Variants in CCSER1 observed in about 807,000 individuals in gnomAD.
The protein encoded by CCSER1 is coiled-coil serine rich protein 1.
A neutral mutation model predicts 82.0 loss-of-function variants in CCSER1; 41 were observed. The observed-to-expected ratio is 0.50, with a 90% CI of 0.39 to 0.65. The LOEUF (loss-of-function observed/expected upper bound fraction) is 0.65, where lower values mean the gene tolerates loss of function less well. CCSER1 is among the 30% of genes least tolerant of loss of function. CCSER1 has a pLI of 0.00. For missense variants in CCSER1, 1,119 were observed against 1,064.2 expected, an observed-to-expected ratio of 1.05 and a Z score of -0.72; for synonymous variants, 414 against 383.9, an observed-to-expected ratio of 1.08 and a Z score of -0.92.
In CCSER1 at chr4:91,296,467, GTATA is replaced by G. The variant is rs1179567431; in HGVS notation, c.2217+210489_2217+210492del. On this transcript the variant is annotated intron_variant, in intron 10 of 10. Transcript: ENST00000509176. ...TCTAACATTATATATATATATATAT[GTATA>G]TATATATATATATATTTTAATTAAA... Among the ~76,000 whole-genome samples, 42 of 62,380 alleles carry G rather than the reference GTATA, an allele frequency of 6.7e-4. 1 individual carries two copies. The highest frequency in any genetic ancestry group is 1.8e-3 in the Admixed American group (10 of 5,510). 40.9% of individuals were successfully genotyped at this position (62,380 alleles called of 152,430 possible).
In CCSER1 at chr4:90,308,382, C is replaced by T; in HGVS notation, c.98C>T (p.Pro33Leu). ...AGACATGATTCTCTTCCTTCTTCAC[C>T]TTCTTCCAGTAATACAGTTGGTGTC... The part of the protein sequence containing the change: ...NRRHDSLPSS[P>L]SSSNTVGVHS... The change falls in exon 2 of 11, where the codon CCT (proline) becomes CTT (leucine). Residue 33 changes from proline to leucine, a missense_variant. Coordinates refer to ENST00000509176, the MANE Select transcript of CCSER1 (RefSeq NM_001145065.2). 6.2e-7 allele frequency: 1 copy of T among 1,613,690 alleles called. No homozygotes were observed. The highest frequency in any genetic ancestry group is 8.5e-7 in the Non-Finnish European group (1 of 1,179,826).
intron 10 of CCSER1, among the ~76,000 whole-genome samples, chr4:91,255,978 G>A (rs1740648009): frequency 6.6e-6 from 1 of 152,138 alleles, no homozygotes. Context: ...GATGTTCAGG[G>A]AACAAGGGAG....
At chr4:90,167,564 G>T (rs1040442135) in intron 1 of CCSER1, among the ~76,000 whole-genome samples, 1 of 152,018 alleles carries the variant, frequency 6.6e-6, no homozygotes, top group African/African-American at 2.4e-5. Context: ...ATGTTGGTGC[G>T]CCGCACCCAG....
intron 10 of CCSER1, among the ~76,000 whole-genome samples, chr4:91,316,383 A>G (rs1241986233): frequency 6.6e-6 from 1 of 152,004 alleles, no homozygotes; most frequent in Non-Finnish European, 1.5e-5. Flanking sequence ...GAATTAATTC[A>G]TTTACAAAGA....
intron 10 of CCSER1, among the ~76,000 whole-genome samples, chr4:91,165,864 A>G (rs937099210): frequency 6.6e-6 from 1 of 152,184 alleles, no homozygotes; most frequent in African/African-American, 2.4e-5. Context: ...GGAAAGGGAA[A>G]TCCCCCAACC....
chr4:91,253,226 A>T (rs534720867), intron 10 of CCSER1, among the ~76,000 whole-genome samples: 1 of 152,148 alleles, frequency 6.6e-6, no homozygotes, highest in African/African-American at 2.4e-5. Flanking sequence ...CCACTCAAAG[A>T]GTGGTAAATG....
intron 5 of CCSER1, among the ~76,000 whole-genome samples, chr4:90,472,337 A>G (rs1764510787): frequency 6.6e-6 from 1 of 152,178 alleles, no homozygotes; most frequent in Non-Finnish European, 1.5e-5. Context: ...TGTATTATCT[A>G]ACCAATGTTT....
intron 1 of CCSER1, among the ~76,000 whole-genome samples, chr4:90,239,398 A>C (rs1366707105): frequency 1.3e-5 from 2 of 152,200 alleles, no homozygotes; most frequent in Admixed American, 6.5e-5. Flanking sequence ...AATTGCCACT[A>C]TGTATTTGAA....
At chr4:91,309,336 G>A (rs1343893252) in intron 10 of CCSER1, among the ~76,000 whole-genome samples, 1 of 121,442 alleles carries the variant, frequency 8.2e-6, no homozygotes, top group Non-Finnish European at 1.7e-5. Context: ...GGCCACTGAT[G>A]ATTCTGTAAA....
At chr4:91,514,433 T>C (rs959257760) in intron 10 of CCSER1, among the ~76,000 whole-genome samples, 2 of 152,168 alleles carry the variant, frequency 1.3e-5, no homozygotes, top group African/African-American at 4.8e-5. Flanking sequence ...TATTCTGTGA[T>C]TGATATGAGA....
At chr4:91,479,095 ATAC>A (rs1255824241) in intron 10 of CCSER1, among the ~76,000 whole-genome samples, 2 of 151,856 alleles carry the variant, frequency 1.3e-5, no homozygotes, top group Non-Finnish European at 2.9e-5. Context: ...AATGAAAATA[ATAC>A]TACAACTTAA....
intron 10 of CCSER1, among the ~76,000 whole-genome samples, chr4:91,308,021 T>C (rs536131930): frequency 1.3e-5 from 2 of 152,066 alleles, no homozygotes; most frequent in Admixed American, 1.3e-4. Flanking sequence ...ACTCTACTTG[T>C]AGATATTAGT....
chr4:90,600,033 G>A (rs11943803), intron 5 of CCSER1, among the ~76,000 whole-genome samples: 8,089 of 152,180 alleles, frequency 0.053, 716 homozygotes, highest in African/African-American at 0.18. Flanking sequence ...ATGTACTGCA[G>A]TGTGTATCAG....
intron 8 of CCSER1, among the ~76,000 whole-genome samples, chr4:90,897,690 A>G (rs1490512336): frequency 1.3e-5 from 2 of 152,078 alleles, no homozygotes; most frequent in Non-Finnish European, 2.9e-5. Context: ...TAGTTCTTTG[A>G]GAAATCTTCT....
chr4:91,378,096 T>C lies in CCSER1; in HGVS notation c.2218-220476T>C, dbSNP rs181530430. Among the ~76,000 whole-genome samples, 46 of 152,340 alleles carry C rather than the reference T, an allele frequency of 3.0e-4. 1 individual carries two copies. In the East Asian group the frequency reaches 4.4e-3, roughly 15 times the overall value. On this transcript the variant is annotated intron_variant, in intron 10 of 10. Transcript: ENST00000509176. Reference sequence around the variant, plus strand: ...ATTATTTCTGAGGGCTCTGTTCTGTTCCATTGGTCTATATCTCTGTTGTGG... The same window carrying C: ...ATTATTTCTGAGGGCTCTGTTCTGTCCCATTGGTCTATATCTCTGTTGTGG...
chr4:90,659,079 G>A (rs1055737207), intron 6 of CCSER1, among the ~76,000 whole-genome samples: 2 of 115,300 alleles, frequency 1.7e-5, no homozygotes, highest in Admixed American at 1.1e-4. Flanking sequence ...AATGATATGA[G>A]AGGGCTTTTT....
intron 6 of CCSER1, among the ~76,000 whole-genome samples, chr4:90,704,859 C>G (rs1026990791): frequency 1.3e-5 from 2 of 152,178 alleles, no homozygotes; most frequent in African/African-American, 2.4e-5. Context: ...ACTGGTTATT[C>G]TTGTTAGCCA....
chr4:91,218,514 C>T (rs955089273), intron 10 of CCSER1, among the ~76,000 whole-genome samples: 1 of 152,192 alleles, frequency 6.6e-6, no homozygotes, highest in African/African-American at 2.4e-5. Context: ...CTGACGACTG[C>T]CAGCATGCTG....
chr4:91,377,926 A>T (rs948388647), intron 10 of CCSER1, among the ~76,000 whole-genome samples: 7 of 152,152 alleles, frequency 4.6e-5, no homozygotes, highest in African/African-American at 1.7e-4. Context: ...TAATTTTTGT[A>T]TAAGGTGTAA....
Sources: allele counts gnomAD v4.1 joint callset (sites outside exome capture counted in the v4.1 genomes callset), GRCh38; gene constraint gnomAD v4.1.1; transcripts MANE v1.5; gene names NCBI Gene and HGNC (gene_info 2026-07-23, HGNC 2026-07-21).